The following REPS2 variants were observed in gnomAD, a reference collection of about 807,000 sequenced individuals.
REPS2 encodes ralBP1-associated Eps domain-containing protein 2.
REPS2 carries 23 observed loss-of-function variants against 53.6 expected under a neutral mutation model. That is an observed-to-expected ratio of 0.43 (90% confidence interval 0.31 to 0.61). The LOEUF is 0.61. Ranked by LOEUF, REPS2 falls within the 20% of genes least tolerant of loss-of-function variation. The probability of loss-of-function intolerance (pLI) is 0.11; values close to 1 mark genes in which losing one functional copy is unlikely to be tolerated. For synonymous variants in REPS2, 238 were observed against 218.6 expected (o/e 1.09, Z -0.78); for missense variants, 446 against 534.9 (o/e 0.83, Z 1.64).
At chrX:16,962,523 A>C (rs2060678040) in intron 1 of REPS2, among the ~76,000 whole-genome samples, 1 of 111,571 alleles carries the variant, frequency 9.0e-6, no homozygotes, top group African/African-American at 3.3e-5. Context: ...AATGGGGAGG[A>C]AATAAGGCAA....
In REPS2 at chrX:17,052,545, G is replaced by A. The variant is rs189154190; in HGVS notation, c.971+100G>A. ...TTTAAAGGCTTATGTTTTGAATGATGTTTTTAACAGACTACAGGAGTGAAT... is the reference window on the plus strand; with the variant it reads ...TTTAAAGGCTTATGTTTTGAATGATATTTTTAACAGACTACAGGAGTGAAT... On this transcript the variant is annotated intron_variant, in intron 7 of 17. Coordinates refer to ENST00000357277, the MANE Select transcript of REPS2 (RefSeq NM_004726.3). 1.4e-5 allele frequency: 8 copies of A among 586,919 alleles called. No homozygotes were observed. The Admixed American group carries it at 2.6e-4, about 19-fold the overall frequency. The allele number at this position is 586,919 out of a possible 1,213,427, so 48.4% of individuals were successfully genotyped here. A position where few individuals can be genotyped will look rare whatever the true frequency, so the allele number is the denominator to read the frequency against.
intron 6 of REPS2, among the ~76,000 whole-genome samples, chrX:17,049,711 C>T (rs996430086): frequency 4.5e-5 from 5 of 110,732 alleles, no homozygotes; most frequent in African/African-American, 1.6e-4. Flanking sequence ...TATCCATTTC[C>T]TCAAGCATTT....
chrX:17,177,399 C>A, the REPS2 span, among the ~76,000 whole-genome samples: 1 of 111,981 alleles, frequency 8.9e-6, no homozygotes, highest in African/African-American at 3.2e-5. Context: ...ATGCTACTTT[C>A]AGTAGCTTCC....
chrX:17,020,816 AG>A (rs779244398), intron 2 of REPS2, among the ~76,000 whole-genome samples: 180 of 110,715 alleles, frequency 1.6e-3, no homozygotes, highest in African/African-American at 5.4e-3. Context: ...TTTTGTGTAG[AG>A]ACGGGGTTTT....
At chrX:17,173,979 T>C in the REPS2 span, among the ~76,000 whole-genome samples, 1 of 110,424 alleles carries the variant, frequency 9.1e-6, no homozygotes, top group African/African-American at 3.3e-5. Flanking sequence ...ATTTGTAAAG[T>C]GCTTGAATAA....
chrX:17,090,456 A>T (rs1456418087), intron 13 of REPS2, among the ~76,000 whole-genome samples: 1 of 111,408 alleles, frequency 9.0e-6, no homozygotes, highest in Admixed American at 9.6e-5. Context: ...TGGTTCAATC[A>T]TCTCCCACTG....
At position 16,979,239 on chromosome X, in the gene REPS2, A is replaced by G. The variant is rs983377071; in HGVS notation, c.274-26982A>G. Among the ~76,000 whole-genome samples the G allele has an allele frequency of 3.6e-5, 4 of 111,685 alleles. No individual in the cohort carries two copies. The Admixed American group carries it at 3.8e-4, about 11-fold the overall frequency. On this transcript the variant is annotated intron_variant, in intron 1 of 17. Coordinates refer to ENST00000357277, the MANE Select transcript of REPS2 (RefSeq NM_004726.3). ...ACTGCAAGATTCTTTATAGGGTGTCAAGTATGTGGGAGGATTTAAACTAAT... is the reference window on the plus strand; with the variant it reads ...ACTGCAAGATTCTTTATAGGGTGTCGAGTATGTGGGAGGATTTAAACTAAT...
intron 17 of REPS2, among the ~76,000 whole-genome samples, chrX:17,145,301 T>C (rs989743068): frequency 1.8e-5 from 2 of 111,625 alleles, no homozygotes; most frequent in African/African-American, 6.5e-5. Flanking sequence ...CTCATGGCTT[T>C]GAAGACCATC....
chrX:17,077,195 T>A, intron 12 of REPS2, 76 bp from the exon 13 acceptor site: 1 of 1,038,945 alleles, frequency 9.6e-7, no homozygotes, highest in Non-Finnish European at 1.3e-6. Context: ...ACTTCGTGGG[T>A]ATTTTCCATT....
the REPS2 span, among the ~76,000 whole-genome samples, chrX:17,193,189 A>G: frequency 8.9e-6 from 1 of 112,316 alleles, no homozygotes; most frequent in African/African-American, 3.2e-5. Context: ...TTCTAAAGCA[A>G]TTGTATCATT....
chrX:17,101,980 A>G (rs1197007055), intron 13 of REPS2, among the ~76,000 whole-genome samples: 1 of 111,522 alleles, frequency 9.0e-6, no homozygotes, highest in African/African-American at 3.3e-5. Context: ...CGTTAATACA[A>G]TTGCTTGGCC....
At chrX:16,982,467 G>A (rs1715599960) in intron 1 of REPS2, among the ~76,000 whole-genome samples, 2 of 112,148 alleles carry the variant, frequency 1.8e-5, no homozygotes, top group Non-Finnish European at 3.8e-5. Flanking sequence ...CAGTGTTAAA[G>A]TGGAGAGAGT....
chrX:17,146,463 T>G (rs1478568241), intron 17 of REPS2, among the ~76,000 whole-genome samples: 1 of 111,338 alleles, frequency 9.0e-6, no homozygotes, highest in Non-Finnish European at 1.9e-5. Context: ...TTCTCCCATA[T>G]CCCCCTCTGT....
rs1175802562 is a variant in REPS2 at position 17,046,958 on chromosome X, CT to C, written c.772-383del. Among the ~76,000 whole-genome samples, 3 of 112,163 alleles carry C rather than the reference CT, an allele frequency of 2.7e-5. No homozygotes were observed. In the East Asian group the frequency reaches 8.4e-4, roughly 31 times the overall value. On this transcript the variant is annotated intron_variant, in intron 5 of 17. Coordinates refer to ENST00000357277, the MANE Select transcript of REPS2 (RefSeq NM_004726.3). ...GATGTGGTTATAGTTGTTCTAGTTT[CT>C]TTTTTGTCATTTAAAAAGAATCCAG... is the stretch of plus-strand genomic sequence containing the variant.
chrX:16,968,723 G>A (rs1226738922), intron 1 of REPS2, among the ~76,000 whole-genome samples: 18 of 100,812 alleles, frequency 1.8e-4, no homozygotes, highest in Admixed American at 6.1e-4. Flanking sequence ...CCTCCCGGAC[G>A]GGGCGGCCGG....
At chrX:17,179,766 A>G in the REPS2 span, among the ~76,000 whole-genome samples, 1 of 111,756 alleles carries the variant, frequency 8.9e-6, no homozygotes, top group African/African-American at 3.3e-5. Context: ...CATCATCAGT[A>G]GATCTATAAG....
intron 1 of REPS2, among the ~76,000 whole-genome samples, chrX:16,993,597 A>G (rs2061188622): frequency 8.9e-6 from 1 of 112,277 alleles, no homozygotes; most frequent in African/African-American, 3.2e-5. Flanking sequence ...CAACTGCAGA[A>G]GCATAAGTGA....
intron 1 of REPS2, among the ~76,000 whole-genome samples, chrX:16,984,263 C>CCT (rs1443460394): frequency 8.9e-6 from 1 of 111,942 alleles, no homozygotes; most frequent in East Asian, 2.8e-4. Context: ...TGGTGGGAGG[C>CCT]CTCAGTTCCT....
intron 7 of REPS2, among the ~76,000 whole-genome samples, chrX:17,053,480 C>T (rs769636616): frequency 3.6e-5 from 4 of 110,980 alleles, no homozygotes; most frequent in East Asian, 5.6e-4. Flanking sequence ...TAAGCTCAAG[C>T]GATCCTCCTA....
Sources: allele counts gnomAD v4.1 joint callset (sites outside exome capture counted in the v4.1 genomes callset), GRCh38; gene constraint gnomAD v4.1.1; transcripts MANE v1.5; gene names NCBI Gene and HGNC (gene_info 2026-07-23, HGNC 2026-07-21).